Variants in ATXN1 observed in about 807,000 individuals in gnomAD.
ATXN1 encodes the protein ataxin-1.
ATXN1 carries 8 observed loss-of-function variants against 56.4 expected under a neutral mutation model. That is an observed-to-expected ratio of 0.14 (90% confidence interval 0.08 to 0.26). The LOEUF is 0.26. Among genes scored for constraint, ATXN1 ranks in the 10% least tolerant of loss-of-function variants. The probability of loss-of-function intolerance (pLI) is 1.00; values close to 1 mark genes in which losing one functional copy is unlikely to be tolerated. For missense variants in ATXN1, 987 were observed against 1,106.5 expected (o/e 0.89, Z 1.53); for synonymous variants, 514 against 494.6 (o/e 1.04, Z -0.52).
At chr6:16,351,636 C>T (rs999960352) in intron 6 of ATXN1, among the ~76,000 whole-genome samples, 12 of 152,146 alleles carry the variant, frequency 7.9e-5, no homozygotes, top group African/African-American at 2.9e-4. Context: ...CTCTTGGGCT[C>T]AAGAGATCTG....
At chr6:16,420,831 C>T (rs1472467056) in intron 6 of ATXN1, among the ~76,000 whole-genome samples, 1 of 152,140 alleles carries the variant, frequency 6.6e-6, no homozygotes, top group Non-Finnish European at 1.5e-5. Flanking sequence ...CAGATTCTCT[C>T]TCTCTCTCTC....
chr6:16,350,761 C>T (rs913260782), intron 6 of ATXN1, among the ~76,000 whole-genome samples: 7 of 152,156 alleles, frequency 4.6e-5, no homozygotes, highest in Admixed American at 2.0e-4. Context: ...AGCAAATCAC[C>T]GAACCCAAGC....
chr6:16,658,207 A>G (rs1399307581), intron 2 of ATXN1, among the ~76,000 whole-genome samples: 1 of 152,220 alleles, frequency 6.6e-6, no homozygotes, highest in Non-Finnish European at 1.5e-5. Context: ...TTTCAAGTTT[A>G]CCGATTGAAA....
intron 6 of ATXN1, among the ~76,000 whole-genome samples, chr6:16,438,858 G>A (rs1475908984): frequency 1.3e-5 from 2 of 152,096 alleles, no homozygotes; most frequent in Non-Finnish European, 2.9e-5. Context: ...GCCAGTACAC[G>A]GGAGGTACTC....
chr6:16,330,842 T>C lies in ATXN1; in HGVS notation c.-160-2372A>G, dbSNP rs574293316. Reference sequence around the variant, plus strand: ...CAGGTTTAGAAATTTGGTGTCTCGATATCAAAGGACATTTCAGTAAGAATA... The same window carrying C: ...CAGGTTTAGAAATTTGGTGTCTCGACATCAAAGGACATTTCAGTAAGAATA... On this transcript the variant is annotated intron_variant, in intron 6 of 7. Transcript: ENST00000436367. Among the ~76,000 whole-genome samples the C allele has an allele frequency of 6.6e-5, 10 of 152,288 alleles. No individual in the cohort carries two copies. The South Asian group carries it at 2.1e-3, about 32-fold the overall frequency.
At chr6:16,638,760 C>A (rs920349874) in intron 3 of ATXN1, among the ~76,000 whole-genome samples, 1 of 152,180 alleles carries the variant, frequency 6.6e-6, no homozygotes, top group African/African-American at 2.4e-5. Context: ...TAAATGAATT[C>A]CAATATGTGG....
intron 2 of ATXN1, among the ~76,000 whole-genome samples, chr6:16,734,500 C>A (rs1013619872): frequency 9.9e-5 from 15 of 152,102 alleles, no homozygotes; most frequent in Admixed American, 8.5e-4. Flanking sequence ...TGTGTACTTT[C>A]GTGAAAAATA....
At chr6:16,480,194 G>T (rs911446718) in intron 6 of ATXN1, among the ~76,000 whole-genome samples, 1 of 146,622 alleles carries the variant, frequency 6.8e-6, no homozygotes, top group Non-Finnish European at 1.5e-5. Flanking sequence ...AAATGATCCT[G>T]AAGAAAATGG....
At chr6:16,355,441 A>G (rs944262813) in intron 6 of ATXN1, among the ~76,000 whole-genome samples, 24 of 152,202 alleles carry the variant, frequency 1.6e-4, no homozygotes, top group Middle Eastern at 3.2e-3. Flanking sequence ...AGACACAAAC[A>G]AGAGCAGTGT....
At chr6:16,695,373 T>C (rs1408090531) in intron 2 of ATXN1, among the ~76,000 whole-genome samples, 1 of 152,208 alleles carries the variant, frequency 6.6e-6, no homozygotes, top group Non-Finnish European at 1.5e-5. Context: ...AAAAATTCCA[T>C]AGCTCCTCCT....
chr6:16,415,981 G>A (rs1428165471), intron 6 of ATXN1, among the ~76,000 whole-genome samples: 1 of 150,850 alleles, frequency 6.6e-6, no homozygotes, highest in Non-Finnish European at 1.5e-5. Flanking sequence ...AATGAGTGGG[G>A]AGAATTATAC....
At chr6:16,559,238 G>T (rs544093179) in intron 4 of ATXN1, among the ~76,000 whole-genome samples, 1 of 152,222 alleles carries the variant, frequency 6.6e-6, no homozygotes, top group East Asian at 1.9e-4. Context: ...AATTAAAACT[G>T]CATATTCCTT....
intron 6 of ATXN1, among the ~76,000 whole-genome samples, chr6:16,457,440 C>A (rs565813325): frequency 6.6e-6 from 1 of 151,592 alleles, no homozygotes; most frequent in South Asian, 2.1e-4. Context: ...AACACCCAGG[C>A]ATCAACAAGC....
chr6:16,714,676 A>G (rs1759601837), intron 2 of ATXN1, among the ~76,000 whole-genome samples: 1 of 152,154 alleles, frequency 6.6e-6, no homozygotes, highest in Non-Finnish European at 1.5e-5. Flanking sequence ...ATTCCTTTGA[A>G]AGCTCTGTGA....
At chr6:16,527,674 A>G (rs1761421455) in intron 4 of ATXN1, among the ~76,000 whole-genome samples, 1 of 152,176 alleles carries the variant, frequency 6.6e-6, no homozygotes, top group Non-Finnish European at 1.5e-5. Context: ...AAACATGTCT[A>G]TTACATTTTG....
Position 16,301,450 on chromosome 6 carries a change from A to G in ATXN1, c.*4879T>C, listed in dbSNP as rs967054439. 6.6e-6 allele frequency: 1 copy of G among 152,650 alleles called. No homozygotes were observed. Among genetic ancestry groups the G allele is most frequent in the Non-Finnish European group, 1.5e-5 (1 of 68,054 alleles). 9.5% of individuals were successfully genotyped at this position (152,650 alleles called of 1,614,324 possible). A position where few individuals can be genotyped will look rare whatever the true frequency, so the allele number is the denominator to read the frequency against. On this transcript the variant is annotated 3_prime_UTR_variant, in exon 8 of 8. Coordinates refer to ENST00000436367, the MANE Select transcript of ATXN1 (RefSeq NM_001128164.2). ...ACACTGTCCGTGGAAAAGAGAGGAA[A>G]CCAACCCAACACAATAGCAGATGCA...
At chr6:16,477,655 C>A (rs892947555) in intron 6 of ATXN1, among the ~76,000 whole-genome samples, 1 of 152,336 alleles carries the variant, frequency 6.6e-6, no homozygotes, top group Middle Eastern at 3.4e-3. Context: ...ATGTCTCCAA[C>A]TCTGCATGCC....
intron 6 of ATXN1, among the ~76,000 whole-genome samples, chr6:16,402,656 T>C (rs893695406): frequency 4.6e-5 from 7 of 152,136 alleles, no homozygotes; most frequent in African/African-American, 1.7e-4. Flanking sequence ...GGGAGGATCA[T>C]TTACATGGGC....
intron 6 of ATXN1, among the ~76,000 whole-genome samples, chr6:16,329,049 G>A (rs1288191686): frequency 6.6e-6 from 1 of 152,086 alleles, no homozygotes; most frequent in African/African-American, 2.4e-5. Flanking sequence ...TTTTTTAATG[G>A]AGTTAACAAC....
Sources: allele counts gnomAD v4.1 joint callset (sites outside exome capture counted in the v4.1 genomes callset), GRCh38; gene constraint gnomAD v4.1.1; transcripts MANE v1.5; gene names NCBI Gene and HGNC (gene_info 2026-07-23, HGNC 2026-07-21).